DMD: variants seen among roughly 807,000 people sequenced by gnomAD.
The protein encoded by DMD is mutant dystrophin.
DMD carries 63 observed loss-of-function variants against 330.1 expected under a neutral mutation model. That is an observed-to-expected ratio of 0.19 (90% CI 0.16 to 0.24). DMD has a LOEUF of 0.24. Among genes scored for constraint, DMD ranks in the 10% least tolerant of loss-of-function variants. The pLI is 1.00. For synonymous variants in DMD, 1,223 were observed against 959.8 expected (o/e 1.27, Z -5.07); for missense variants, 3,344 against 2,684.1 (o/e 1.25, Z -5.43).
chrX:32,252,462 T>A (rs1198401838), intron 43 of DMD, among the ~76,000 whole-genome samples: 1 of 104,932 alleles, frequency 9.5e-6, no homozygotes, highest in Non-Finnish European at 1.9e-5. Context: ...GCAGAAACAA[T>A]GTGTTCTTTG....
chrX:31,123,326 A>G (rs181904537), intron 78 of DMD, among the ~76,000 whole-genome samples: 70 of 112,335 alleles, frequency 6.2e-4, no homozygotes, highest in Non-Finnish European at 1.2e-3. Context: ...ATGGAGTATT[A>G]ATTATATTTT....
intron 37 of DMD, among the ~76,000 whole-genome samples, chrX:32,353,957 A>G (rs1177164414): frequency 8.9e-6 from 1 of 111,917 alleles, no homozygotes; most frequent in Admixed American, 9.5e-5. Context: ...TGAATTTTAT[A>G]ACAAGTTAAC....
intron 26 of DMD, among the ~76,000 whole-genome samples, chrX:32,449,033 T>A (rs2098317498): frequency 9.0e-6 from 1 of 111,359 alleles, no homozygotes. Context: ...CTTGGATGAA[T>A]AATATTGAAA....
At chrX:32,097,048 A>G (rs2405544) in intron 44 of DMD, among the ~76,000 whole-genome samples, 8,575 of 111,268 alleles carry the variant, frequency 0.077, 265 homozygotes, top group South Asian at 0.12. Context: ...ACCCCCATTA[A>G]TGAACATTTT....
At chrX:31,229,468 T>C (rs186373638) in intron 63 of DMD, among the ~76,000 whole-genome samples, 1 of 111,740 alleles carries the variant, frequency 8.9e-6, no homozygotes, top group Non-Finnish European at 1.9e-5. Flanking sequence ...GAAAGAACAA[T>C]AATGACCTCA....
At chrX:32,559,623 T>A in intron 16 of DMD, among the ~76,000 whole-genome samples, 1 of 111,382 alleles carries the variant, frequency 9.0e-6, no homozygotes, top group Non-Finnish European at 1.9e-5. Flanking sequence ...ATAAAATATT[T>A]TATGAAGGGT....
intron 29 of DMD, among the ~76,000 whole-genome samples, chrX:32,435,038 C>T (rs2098254165): frequency 9.2e-6 from 1 of 108,680 alleles, no homozygotes; most frequent in Non-Finnish European, 1.9e-5. Flanking sequence ...TATTTTAACA[C>T]TCTGCTTAAT....
intron 43 of DMD, among the ~76,000 whole-genome samples, chrX:32,277,572 C>T (rs757621656): frequency 9.0e-6 from 1 of 111,477 alleles, no homozygotes; most frequent in Non-Finnish European, 1.9e-5. Flanking sequence ...CAGTAGGTCA[C>T]AAAAGCAGTC....
At chrX:31,161,664 T>C (rs7884006) in intron 74 of DMD, among the ~76,000 whole-genome samples, 13,299 of 111,006 alleles carry the variant, frequency 0.12, 1,461 homozygotes, top group African/African-American at 0.33. Context: ...ATCCCCTTCT[T>C]CACTTGCCTA....
At chrX:33,162,688 T>C (rs909635602) in intron 1 of DMD, among the ~76,000 whole-genome samples, 7 of 110,802 alleles carry the variant, frequency 6.3e-5, no homozygotes, top group African/African-American at 2.3e-4. Flanking sequence ...TTGAGAGCCA[T>C]AGCCCAAAAG....
rs145120708 is a variant in DMD, at chrX:32,450,243, C to G, written c.3604-1605G>C. Among the ~76,000 whole-genome samples, 23 of 110,705 alleles carry G rather than the reference C, an allele frequency of 2.1e-4. No individual in the cohort carries two copies. The East Asian group carries it at 6.6e-3, about 32-fold the overall frequency. ...CTTATTGGCAGGATATGGATAAGGT[C>G]AGCTATAAAATGCCTTTGTATGTGT... On this transcript the variant is annotated intron_variant, in intron 26 of 78. Transcript: ENST00000357033.
intron 41 of DMD, among the ~76,000 whole-genome samples, chrX:32,324,663 A>G (rs761582507): frequency 9.0e-6 from 1 of 111,730 alleles, no homozygotes; most frequent in Non-Finnish European, 1.9e-5. Context: ...ATTACTAGAA[A>G]TAAAAGGAGA....
intron 12 of DMD, among the ~76,000 whole-genome samples, chrX:32,607,195 C>T (rs1427789898): frequency 1.8e-5 from 2 of 110,354 alleles, no homozygotes; most frequent in Non-Finnish European, 3.8e-5. Context: ...AATACATTAA[C>T]TTCAGCTTGT....
At chrX:32,127,315 G>A (rs1196720600) in intron 44 of DMD, among the ~76,000 whole-genome samples, 1 of 111,716 alleles carries the variant, frequency 9.0e-6, no homozygotes, top group East Asian at 2.8e-4. Flanking sequence ...TTGTGAACAT[G>A]TAGCTCTTGG....
chrX:33,023,328 G>A (rs1263683646), intron 1 of DMD, among the ~76,000 whole-genome samples: 3 of 110,736 alleles, frequency 2.7e-5, no homozygotes, highest in East Asian at 5.7e-4. Flanking sequence ...TTTTATAATT[G>A]TCTTCGAAAA....
At chrX:33,146,403 A>T (rs1603352490) in intron 1 of DMD, among the ~76,000 whole-genome samples, 1 of 111,996 alleles carries the variant, frequency 8.9e-6, no homozygotes, top group African/African-American at 3.2e-5. Flanking sequence ...GAAGGTATTA[A>T]CAAGTTAATA....
chrX:33,308,903 A>T (rs945264244), intron 1 of DMD, among the ~76,000 whole-genome samples: 1 of 111,780 alleles, frequency 8.9e-6, no homozygotes, highest in Non-Finnish European at 1.9e-5. Context: ...GCCTAATAGG[A>T]TGAAAGATAT....
chrX:32,696,300 C>G (rs2147553475), intron 9 of DMD, among the ~76,000 whole-genome samples: 1 of 112,023 alleles, frequency 8.9e-6, no homozygotes, highest in South Asian at 3.7e-4. Context: ...ATACACTTAT[C>G]AAACCTAACT....
intron 44 of DMD, among the ~76,000 whole-genome samples, chrX:32,085,671 TACACAC>T (rs373747740): frequency 0.21 from 18,540 of 87,913 alleles, 2,156 homozygotes; most frequent in East Asian, 0.32. Flanking sequence ...TACGTATATA[TACACAC>T]GCGTATATAT....
Sources: gnomAD v4.1 joint callset for allele counts (sites outside exome capture counted in the v4.1 genomes callset) on GRCh38, gnomAD v4.1.1 for gene constraint, MANE v1.5 for transcripts, NCBI Gene and HGNC (gene_info 2026-07-23, HGNC 2026-07-21) for gene names.